TENM3: variants seen among roughly 807,000 people sequenced by gnomAD.
TENM3 encodes the protein teneurin-3.
TENM3 carries 63 observed loss-of-function variants against 255.1 expected under a neutral mutation model. The observed-to-expected ratio is 0.25, with a 90% CI of 0.20 to 0.30. The LOEUF (loss-of-function observed/expected upper bound fraction) is 0.30, where lower values mean the gene tolerates loss of function less well. TENM3 is among the 10% of genes least tolerant of loss of function. The probability of loss-of-function intolerance (pLI) is 1.00; values close to 1 mark genes in which losing one functional copy is unlikely to be tolerated. For missense variants in TENM3, 2,929 were observed against 3,461.1 expected (o/e 0.85, Z 3.86); for synonymous variants, 1,306 against 1,322.3 (o/e 0.99, Z 0.27).
At chr4:182,711,127 A>C (rs755770503) in intron 12 of TENM3, among the ~76,000 whole-genome samples, 1 of 152,216 alleles carries the variant, frequency 6.6e-6, no homozygotes, top group Non-Finnish European at 1.5e-5. Flanking sequence ...ATATAACATC[A>C]AAATATTACA....
At chr4:181,959,032 G>A in the TENM3 span, among the ~76,000 whole-genome samples, 341 of 152,068 alleles carry the variant, frequency 2.2e-3, 4 homozygotes, top group Admixed American at 0.021. Flanking sequence ...AGCATTGAAT[G>A]GTTTTTTGTT....
intron 24 of TENM3, among the ~76,000 whole-genome samples, chr4:182,779,744 T>C (rs1765013332): frequency 6.6e-6 from 1 of 152,196 alleles, no homozygotes; most frequent in Non-Finnish European, 1.5e-5. Flanking sequence ...TTTTAATGAT[T>C]GCCATTCTAA....
intron 3 of TENM3, among the ~76,000 whole-genome samples, chr4:182,584,246 G>A (rs1019535916): frequency 2.6e-5 from 4 of 152,192 alleles, no homozygotes; most frequent in African/African-American, 7.2e-5. Flanking sequence ...AATATTAATC[G>A]AAAGCCTTTA....
the TENM3 span, chr4:181,522,718 A>C: frequency 1.1e-4 from 75 of 688,222 alleles, no homozygotes; most frequent in African/African-American, 1.1e-3. Context: ...AAAGATGTTA[A>C]AGGTGAATCC....
At chr4:182,153,865 T>G (rs966874051) in intron 1 of TENM3, among the ~76,000 whole-genome samples, 1 of 152,122 alleles carries the variant, frequency 6.6e-6, no homozygotes. Context: ...GTAAGACGTG[T>G]GGATTGGTTG....
chr4:181,668,911 G>C, the TENM3 span, among the ~76,000 whole-genome samples: 1 of 152,006 alleles, frequency 6.6e-6, no homozygotes, highest in Non-Finnish European at 1.5e-5. Context: ...CTCACTAGCT[G>C]GACACATTTT....
chr4:182,311,175 C>T (rs958470850), intron 1 of TENM3, among the ~76,000 whole-genome samples: 1 of 152,218 alleles, frequency 6.6e-6, no homozygotes, highest in Non-Finnish European at 1.5e-5. Flanking sequence ...CTTCTCTAAT[C>T]GTCTTTTCCC....
At chr4:182,434,786 A>T (rs11934840) in intron 3 of TENM3, among the ~76,000 whole-genome samples, 49,512 of 151,984 alleles carry the variant, frequency 0.33, 8,448 homozygotes, top group Middle Eastern at 0.41. Context: ...AAGACTTAGA[A>T]ATCCATTCAC....
the TENM3 span, among the ~76,000 whole-genome samples, chr4:182,060,857 A>T: frequency 6.6e-6 from 1 of 152,284 alleles, no homozygotes; most frequent in South Asian, 2.1e-4. Context: ...TATTATAAAA[A>T]CTAGGAAGCA....
chr4:181,917,476 G>T, the TENM3 span, among the ~76,000 whole-genome samples: 224 of 151,964 alleles, frequency 1.5e-3, no homozygotes, highest in African/African-American at 5.3e-3. Context: ...TCTGTTTCTT[G>T]GAGATAAAAT....
chr4:182,175,376 T>C (rs984523176), intron 1 of TENM3, among the ~76,000 whole-genome samples: 2 of 151,186 alleles, frequency 1.3e-5, no homozygotes, highest in Non-Finnish European at 2.9e-5. Context: ...TATATGCTAG[T>C]GAATGCACAG....
At chr4:181,567,906 C>T in the TENM3 span, among the ~76,000 whole-genome samples, 2 of 152,080 alleles carry the variant, frequency 1.3e-5, no homozygotes, top group Admixed American at 1.3e-4. Flanking sequence ...GAGCTCATAT[C>T]TTCATCTTCT....
intron 4 of TENM3, among the ~76,000 whole-genome samples, chr4:182,604,741 A>G (rs957407270): frequency 6.6e-6 from 1 of 152,208 alleles, no homozygotes; most frequent in African/African-American, 2.4e-5. Flanking sequence ...TAAAAGATTT[A>G]TTAAAGTCTT....
intron 3 of TENM3, among the ~76,000 whole-genome samples, chr4:182,480,759 G>C (rs1008480747): frequency 1.3e-5 from 2 of 151,742 alleles, no homozygotes; most frequent in Non-Finnish European, 2.9e-5. Flanking sequence ...TAGGCTTCTT[G>C]TATTTTAACT....
the TENM3 span, among the ~76,000 whole-genome samples, chr4:181,946,139 A>G: frequency 6.6e-6 from 1 of 152,118 alleles, no homozygotes; most frequent in Non-Finnish European, 1.5e-5. Context: ...ATAAATGATG[A>G]TGCAGTCTAC....
the TENM3 span, among the ~76,000 whole-genome samples, chr4:181,577,206 T>C: frequency 7.8e-6 from 1 of 128,418 alleles, no homozygotes; most frequent in Non-Finnish European, 1.6e-5. Context: ...ATTATATATA[T>C]ATATTTTTTT....
chr4:182,523,872 A>G (rs549649037), intron 3 of TENM3, among the ~76,000 whole-genome samples: 26 of 152,306 alleles, frequency 1.7e-4, no homozygotes, highest in African/African-American at 5.8e-4. Flanking sequence ...AATAGAAACA[A>G]TACATTTTAC....
At chr4:182,395,030 G>A (rs1768707083) in intron 3 of TENM3, among the ~76,000 whole-genome samples, 1 of 152,158 alleles carries the variant, frequency 6.6e-6, no homozygotes, top group Non-Finnish European at 1.5e-5. Flanking sequence ...TCAATATATA[G>A]GCTCTCATAG....
intron 3 of TENM3, among the ~76,000 whole-genome samples, chr4:182,542,732 A>G (rs142238881): frequency 3.2e-4 from 48 of 152,298 alleles, no homozygotes; most frequent in African/African-American, 9.9e-4. Flanking sequence ...GCCTCTTAGT[A>G]TACTTTACTT....
Sources: gnomAD v4.1 joint callset for allele counts (sites outside exome capture counted in the v4.1 genomes callset) on GRCh38, gnomAD v4.1.1 for gene constraint, MANE v1.5 for transcripts, NCBI Gene and HGNC (gene_info 2026-07-23, HGNC 2026-07-21) for gene names.